The following NLGN4X variants were observed in gnomAD, a reference collection of about 807,000 sequenced individuals.
NLGN4X encodes neuroligin-4, X-linked.
Under a neutral mutation model 40.3 loss-of-function variants are expected in NLGN4X, and 3 were observed. That is an observed-to-expected ratio of 0.07 (90% CI 0.03 to 0.19). NLGN4X has a LOEUF of 0.19. Ranked by LOEUF, NLGN4X falls within the 10% of genes least tolerant of loss-of-function variation. The probability of loss-of-function intolerance (pLI) is 1.00; values close to 1 mark genes in which losing one functional copy is unlikely to be tolerated. For missense variants in NLGN4X, 382 were observed against 708.3 expected (o/e 0.54, Z 5.23); for synonymous variants, 270 against 306.8 (o/e 0.88, Z 1.25).
At chrX:5,959,726 C>A (rs1279490523) in intron 3 of NLGN4X, among the ~76,000 whole-genome samples, 2 of 111,792 alleles carry the variant, frequency 1.8e-5, no homozygotes, top group Admixed American at 1.9e-4. Context: ...ATGGGGTGGG[C>A]AAACCTGTCA....
intron 1 of NLGN4X, among the ~76,000 whole-genome samples, chrX:6,155,252 C>A (rs2040239725): frequency 8.9e-6 from 1 of 111,854 alleles, no homozygotes; most frequent in African/African-American, 3.3e-5. Context: ...TTTCTGAGAA[C>A]AAGAAGCACT....
At chrX:5,940,859 G>C (rs897309525) in intron 3 of NLGN4X, among the ~76,000 whole-genome samples, 2 of 111,169 alleles carry the variant, frequency 1.8e-5, no homozygotes, top group Admixed American at 9.6e-5. Flanking sequence ...GCTCACGCCA[G>C]AAATCTCAGC....
chrX:5,915,209 A>G (rs975026913), intron 3 of NLGN4X, among the ~76,000 whole-genome samples: 1 of 112,405 alleles, frequency 8.9e-6, no homozygotes, highest in East Asian at 2.8e-4. Flanking sequence ...ATTATAAGAG[A>G]CAAATGATTT....
chrX:6,061,756 A>C (rs766905749), intron 2 of NLGN4X: 2 of 111,502 alleles, frequency 1.8e-5, no homozygotes, highest in African/African-American at 3.3e-5. Flanking sequence ...GCATTTTATG[A>C]CCTATTTGAA....
At chrX:6,021,471 T>A (rs1483197464) in intron 3 of NLGN4X, among the ~76,000 whole-genome samples, 2 of 110,750 alleles carry the variant, frequency 1.8e-5, no homozygotes, top group South Asian at 3.9e-4. Context: ...TCCCCTGACC[T>A]TCTTCACATC....
intron 3 of NLGN4X, among the ~76,000 whole-genome samples, chrX:5,918,654 T>C (rs1232442782): frequency 8.9e-6 from 1 of 112,431 alleles, no homozygotes; most frequent in Admixed American, 9.5e-5. Context: ...TAATTATTTA[T>C]ACTATTTTTA....
intron 3 of NLGN4X, among the ~76,000 whole-genome samples, chrX:5,988,183 C>T (rs917977148): frequency 1.8e-5 from 2 of 112,049 alleles, no homozygotes; most frequent in African/African-American, 6.5e-5. Context: ...GATGAATAGT[C>T]GTGAATTCAC....
chrX:6,158,166 T>C (rs867606049), intron 1 of NLGN4X, among the ~76,000 whole-genome samples: 1 of 111,818 alleles, frequency 8.9e-6, no homozygotes, highest in Non-Finnish European at 1.9e-5. Flanking sequence ...AAGTCATATG[T>C]CCTCAAGGTC....
rs778626917 is a variant in NLGN4X, at chrX:5,891,153, G to GA, written c.*1663dup. On this transcript the variant is annotated 3_prime_UTR_variant, in exon 6 of 6. Coordinates refer to ENST00000381095, the MANE Select transcript of NLGN4X (RefSeq NM_181332.3). ...TTTCCTGAAAAATGAGAAGAGAAAT[G>GA]AAAAAATGACAAGCTGTTGGAAAGA... 3.5e-5 allele frequency: 8 copies of GA among 230,749 alleles called. No homozygotes were observed. The South Asian group carries it at 3.9e-4, about 11-fold the overall frequency. The allele number at this position is 230,749 out of a possible 1,213,427, so 19.0% of individuals were successfully genotyped here.
At chrX:6,081,123 T>C (rs183052550) in intron 2 of NLGN4X, among the ~76,000 whole-genome samples, 1 of 111,351 alleles carries the variant, frequency 9.0e-6, no homozygotes, top group East Asian at 2.8e-4. Context: ...ACCCTGTCTC[T>C]ACCAAAAAAC....
intron 1 of NLGN4X, among the ~76,000 whole-genome samples, chrX:6,167,428 A>G (rs1045031752): frequency 2.7e-5 from 3 of 112,424 alleles, no homozygotes; most frequent in Non-Finnish European, 5.6e-5. Flanking sequence ...AAAGCTACTT[A>G]AATATCAAGA....
chrX:6,091,161 G>T (rs1487453859), intron 2 of NLGN4X, among the ~76,000 whole-genome samples: 1 of 110,065 alleles, frequency 9.1e-6, no homozygotes, highest in Non-Finnish European at 1.9e-5. Context: ...AAACAGGCTG[G>T]CATGACTGAT....
chrX:6,097,396 G>C (rs1315183348), intron 2 of NLGN4X, among the ~76,000 whole-genome samples: 2 of 111,176 alleles, frequency 1.8e-5, no homozygotes, highest in South Asian at 3.8e-4. Context: ...TTATAGCAGA[G>C]GCCAAAGAAC....
At chrX:6,219,943 C>A (rs895429921) in intron 1 of NLGN4X, among the ~76,000 whole-genome samples, 1 of 110,406 alleles carries the variant, frequency 9.1e-6, no homozygotes, top group East Asian at 2.8e-4. Flanking sequence ...TTAGTAAATT[C>A]TATGAATAAA....
chrX:6,000,938 T>C (rs767972715), intron 3 of NLGN4X, among the ~76,000 whole-genome samples: 3 of 111,487 alleles, frequency 2.7e-5, no homozygotes, highest in African/African-American at 9.8e-5. Context: ...GTGGGTAATG[T>C]ATAAAGGAAA....
intron 5 of NLGN4X, among the ~76,000 whole-genome samples, chrX:5,897,328 C>G (rs1360077760): frequency 8.9e-6 from 1 of 111,791 alleles, no homozygotes; most frequent in Non-Finnish European, 1.9e-5. Flanking sequence ...CACTGAGCAC[C>G]TGAATTTCAT....
Position 6,086,323 on chromosome X carries a change from G to A in NLGN4X, c.473-56891C>T, listed in dbSNP as rs375550844. Among the ~76,000 whole-genome samples, 8 of 112,503 alleles carry A rather than the reference G, an allele frequency of 7.1e-5. No individual in the cohort carries two copies. In the South Asian group the frequency reaches 3.0e-3, roughly 42 times the overall value. On this transcript the variant is annotated intron_variant, in intron 2 of 5. Coordinates refer to ENST00000381095, the MANE Select transcript of NLGN4X (RefSeq NM_181332.3). ...AAATTTAATTTTCAAAAGCCAAGAA[G>A]ATGTGAATGATGTAGGGTATTTCTT... is the stretch of plus-strand genomic sequence containing the variant.
At chrX:5,964,176 C>T (rs920200075) in intron 3 of NLGN4X, among the ~76,000 whole-genome samples, 1 of 111,248 alleles carries the variant, frequency 9.0e-6, no homozygotes, top group East Asian at 2.8e-4. Context: ...CACTCACTCC[C>T]GAATAATTTG....
rs182482211 is a variant in NLGN4X at position 6,057,625 on chromosome X, G to C, written c.473-28193C>G. On this transcript the variant is annotated intron_variant, in intron 2 of 5. Transcript: ENST00000381095. The stretch of plus-strand genomic sequence containing the variant: ...AAAATGCACATGTATATATGTAAGG[G>C]TCACAGGTTTTATTAATATGCTGTG... Among the ~76,000 whole-genome samples the C allele has an allele frequency of 2.2e-4, 25 of 112,097 alleles. No homozygotes were observed. The Admixed American group carries it at 2.3e-3, about 10-fold the overall frequency.
Sources: gnomAD v4.1 joint callset for allele counts (sites outside exome capture counted in the v4.1 genomes callset) on GRCh38, gnomAD v4.1.1 for gene constraint, MANE v1.5 for transcripts, NCBI Gene and HGNC (gene_info 2026-07-23, HGNC 2026-07-21) for gene names.